Variants in GNL3L observed in about 807,000 individuals in gnomAD.
GNL3L encodes guanine nucleotide-binding protein-like 3-like protein.
Under a neutral mutation model 42.9 loss-of-function variants are expected in GNL3L, and 4 were observed. That is an observed-to-expected ratio of 0.09 (90% CI 0.05 to 0.21). GNL3L has a LOEUF of 0.21. GNL3L is among the 10% of genes least tolerant of loss of function. The pLI, the probability that GNL3L is intolerant of heterozygous loss-of-function variation, is 1.00. For synonymous variants in GNL3L, 159 were observed against 176.3 expected (o/e 0.90, Z 0.78); for missense variants, 412 against 481.7 (o/e 0.86, Z 1.36).
chrX:54,600,022 A>G lies in GNL3L; in HGVS notation c.*46-20823A>G, dbSNP rs762785317. 2.7e-5 allele frequency among the ~76,000 whole-genome samples: 3 copies of G among 109,208 alleles called. No homozygotes were observed. In the South Asian group the frequency reaches 1.2e-3, roughly 43 times the overall value. The allele number at this position is 109,208 out of a possible 115,157, so 94.8% of individuals were successfully genotyped here. ...AATTGCTTGTTGAACCAAATTTATGATGGCTAATTTAAAATCTTAGATAGT... is the reference window on the plus strand; with the variant it reads ...AATTGCTTGTTGAACCAAATTTATGGTGGCTAATTTAAAATCTTAGATAGT... On this transcript the variant is annotated intron_variant, in intron 16 of 16. Transcript: ENST00000674498.
rs1569542595 is a variant in GNL3L at position 54,607,054 on chromosome X, TTCTTTCTTTCTTTCTTTC to T, written c.*46-13778_*46-13761del. On this transcript the variant is annotated intron_variant, in intron 16 of 16. Transcript: ENST00000674498. ...TTTCTTTCTTTCTTTCTTTCTTTCT[TTCTTTCTTTCTTTCTTTC>T]TCTTTCTTTCTTCTTTCTTTCTTTC... Among the ~76,000 whole-genome samples the T allele has an allele frequency of 2.5e-4, 17 of 66,679 alleles. 1 individual carries two copies. Among genetic ancestry groups the T allele is most frequent in the African/African-American group, 1.3e-3 (15 of 11,261 alleles). 57.9% of individuals were successfully genotyped at this position (66,679 alleles called of 115,157 possible).
chrX:54,571,155 T>C (rs1331453010), downstream of GNL3L, among the ~76,000 whole-genome samples: 1 of 110,319 alleles, frequency 9.1e-6, no homozygotes, highest in Non-Finnish European at 1.9e-5. Context: ...CATTGTTTCA[T>C]GCTCTTCTCA....
At chrX:54,557,587 A>C (rs1925135788) in intron 14 of GNL3L, among the ~76,000 whole-genome samples, 1 of 109,637 alleles carries the variant, frequency 9.1e-6, no homozygotes, top group African/African-American at 3.3e-5. Context: ...GGCACCCCTC[A>C]CCATGCCTGG....
chrX:54,544,114 G>A lies in GNL3L; in HGVS notation c.527-109G>A. On this transcript the variant is annotated intron_variant, in intron 7 of 15. Coordinates refer to ENST00000360845, the MANE Select transcript of GNL3L (RefSeq NM_001184819.2). Reference sequence around the variant, plus strand: ...AATGACAGGGCCAGTTGAGAGACCTGTTGATGGTAGGTGGGCCTAGCTTTG... The same window carrying A: ...AATGACAGGGCCAGTTGAGAGACCTATTGATGGTAGGTGGGCCTAGCTTTG... 6.3e-6 allele frequency: 3 copies of A among 478,722 alleles called. No homozygotes were observed. In the East Asian group the frequency reaches 1.1e-4, roughly 18 times the overall value. 39.5% of individuals were successfully genotyped at this position (478,722 alleles called of 1,213,427 possible).
chrX:54,616,399 C>A (rs1414752753), intron 16 of GNL3L, among the ~76,000 whole-genome samples: 1 of 111,825 alleles, frequency 8.9e-6, no homozygotes, highest in African/African-American at 3.3e-5. Flanking sequence ...TTTGGAATTG[C>A]CTTTCATTTC....
intron 16 of GNL3L, among the ~76,000 whole-genome samples, chrX:54,583,788 G>A (rs1404732055): frequency 7.2e-5 from 8 of 110,384 alleles, no homozygotes; most frequent in African/African-American, 2.0e-4. Context: ...GACTACAGGC[G>A]TCTGCCACCA....
chrX:54,613,614 A>G (rs1222673385), intron 16 of GNL3L, among the ~76,000 whole-genome samples: 15 of 111,031 alleles, frequency 1.4e-4, no homozygotes, highest in Non-Finnish European at 2.5e-4. Flanking sequence ...TTGATGTAGT[A>G]GTCTCCCCCT....
chrX:54,544,842 C>A (rs766460285), intron 8 of GNL3L, among the ~76,000 whole-genome samples: 6 of 110,602 alleles, frequency 5.4e-5, no homozygotes, highest in Non-Finnish European at 7.6e-5. Flanking sequence ...GGAAGCATTT[C>A]TTTTTTTTCA....
chrX:54,549,430 C>T (rs1458838810), intron 9 of GNL3L, among the ~76,000 whole-genome samples: 1 of 112,215 alleles, frequency 8.9e-6, no homozygotes. Flanking sequence ...TGTAGCAGCT[C>T]ATTCATGCCT....
At chrX:54,598,639 A>T (rs1277890773) in intron 16 of GNL3L, among the ~76,000 whole-genome samples, 1 of 111,389 alleles carries the variant, frequency 9.0e-6, no homozygotes, top group African/African-American at 3.3e-5. Context: ...AAATTAGAAA[A>T]CATGAAATTA....
At chrX:54,618,543 G>A (rs1415309615) in intron 16 of GNL3L, among the ~76,000 whole-genome samples, 2 of 111,320 alleles carry the variant, frequency 1.8e-5, no homozygotes, top group Non-Finnish European at 3.8e-5. Context: ...TCAAAAATAA[G>A]CACTAGATCA....
the GNL3L span, among the ~76,000 whole-genome samples, chrX:54,639,033 C>T: frequency 9.0e-6 from 1 of 111,714 alleles, no homozygotes; most frequent in Non-Finnish European, 1.9e-5. Flanking sequence ...GATCCGCATA[C>T]ACTTCTCTAG....
At chrX:54,532,657 T>C in intron 2 of GNL3L, 72 bp downstream of exon 2, 2 of 899,117 alleles carry the variant, frequency 2.2e-6, no homozygotes, top group Admixed American at 2.2e-5. Flanking sequence ...CAGCAACTTT[T>C]TGTTTTTTTG....
chrX:54,601,837 T>C (rs1926008074), intron 16 of GNL3L, among the ~76,000 whole-genome samples: 1 of 112,137 alleles, frequency 8.9e-6, no homozygotes, highest in African/African-American at 3.2e-5. Context: ...ATAAAAAGAA[T>C]AAGTGATTTT....
intron 13 of GNL3L, among the ~76,000 whole-genome samples, chrX:54,553,680 T>C (rs1474025869): frequency 9.0e-6 from 1 of 111,345 alleles, no homozygotes; most frequent in African/African-American, 3.3e-5. Flanking sequence ...GCTGGGACTA[T>C]AGGTGTGCAC....
chrX:54,628,931 T>C, the GNL3L span, among the ~76,000 whole-genome samples: 2 of 106,125 alleles, frequency 1.9e-5, no homozygotes, highest in Non-Finnish European at 3.9e-5. Flanking sequence ...TTATAAAATA[T>C]AATTATATAA....
intron 12 of GNL3L, 94 bp from the exon 13 acceptor site, chrX:54,552,198 G>A (rs1323049113): frequency 3.1e-6 from 3 of 960,345 alleles, no homozygotes; most frequent in African/African-American, 3.8e-5. Context: ...TTCTTGTTCC[G>A]TTGCTGTTTC....
chrX:54,626,784 C>T, the GNL3L span, among the ~76,000 whole-genome samples: 1 of 111,414 alleles, frequency 9.0e-6, no homozygotes, highest in African/African-American at 3.3e-5. Flanking sequence ...AGCATTTTTT[C>T]CATGTTTGTT....
chrX:54,634,327 G>A, the GNL3L span, among the ~76,000 whole-genome samples: 2 of 111,320 alleles, frequency 1.8e-5, no homozygotes, highest in African/African-American at 6.5e-5. Flanking sequence ...TTGAGATGGA[G>A]TTTCACTCTT....
Sources: allele counts gnomAD v4.1 joint callset (sites outside exome capture counted in the v4.1 genomes callset), GRCh38; gene constraint gnomAD v4.1.1; transcripts MANE v1.5; gene names NCBI Gene and HGNC (gene_info 2026-07-23, HGNC 2026-07-21).